The following NCKAP5 variants were observed in gnomAD, a reference collection of about 807,000 sequenced individuals.
The protein encoded by NCKAP5 is NCK associated protein 5.
Under a neutral mutation model 167.0 loss-of-function variants are expected in NCKAP5, and 92 were observed. The observed-to-expected ratio is 0.55, with a 90% CI of 0.47 to 0.66. NCKAP5 has a LOEUF of 0.66. Among genes scored for constraint, NCKAP5 ranks in the 30% least tolerant of loss-of-function variants. NCKAP5 has a pLI of 0.00. For synonymous variants in NCKAP5, 891 were observed against 877.4 expected (o/e 1.02, Z -0.27); for missense variants, 2,378 against 2,315.0 (o/e 1.03, Z -0.56).
intron 7 of NCKAP5, among the ~76,000 whole-genome samples, chr2:132,966,108 T>C (rs149812973): frequency 1.5e-3 from 233 of 152,280 alleles, no homozygotes; most frequent in African/African-American, 5.4e-3. Flanking sequence ...ACAAACTTCC[T>C]TTATTTTTGG....
chr2:133,492,335 G>A (rs2151356618), intron 3 of NCKAP5, among the ~76,000 whole-genome samples: 1 of 152,330 alleles, frequency 6.6e-6, no homozygotes, highest in East Asian at 1.9e-4. Flanking sequence ...GTACCTTACA[G>A]TATAGTTGTA....
At chr2:132,794,304 AGAGGGT>A (rs1558788549) in intron 12 of NCKAP5, among the ~76,000 whole-genome samples, 5 of 113,600 alleles carry the variant, frequency 4.4e-5, no homozygotes, top group African/African-American at 1.7e-4. Context: ...AGAGAGAGAG[AGAGGGT>A]GGCGGGAAGA....
chr2:132,773,724 G>A (rs769912920), intron 16 of NCKAP5, 92 bp downstream of exon 16: 12 of 1,001,170 alleles, frequency 1.2e-5, no homozygotes, highest in Non-Finnish European at 1.8e-5. Context: ...TCTTGATAGA[G>A]GGACATGGTC....
intron 3 of NCKAP5, among the ~76,000 whole-genome samples, chr2:133,307,481 A>G (rs6748084): frequency 0.037 from 5,678 of 152,182 alleles, 344 homozygotes; most frequent in African/African-American, 0.13. Flanking sequence ...CCACACATCT[A>G]TTGGCACAAG....
chr2:132,742,915 C>T (rs1679327206), intron 16 of NCKAP5, among the ~76,000 whole-genome samples: 1 of 151,674 alleles, frequency 6.6e-6, no homozygotes, highest in African/African-American at 2.4e-5. Context: ...CAGTGGCTAC[C>T]CTCCATTCAC....
intron 11 of NCKAP5, among the ~76,000 whole-genome samples, chr2:132,844,846 C>G (rs1688550050): frequency 6.6e-6 from 1 of 152,060 alleles, no homozygotes; most frequent in South Asian, 2.1e-4. Flanking sequence ...AAACTGCCAC[C>G]CAAGAATTGC....
the NCKAP5 span, among the ~76,000 whole-genome samples, chr2:133,599,381 C>T: frequency 2.0e-5 from 3 of 152,142 alleles, no homozygotes; most frequent in Non-Finnish European, 4.4e-5. Flanking sequence ...CTCAGAGGCT[C>T]TCCTGCCAGG....
intron 3 of NCKAP5, among the ~76,000 whole-genome samples, chr2:133,482,698 A>T (rs917862747): frequency 6.6e-6 from 1 of 152,290 alleles, no homozygotes; most frequent in Middle Eastern, 3.4e-3. Context: ...TTCTAGTTCT[A>T]GATTTTTGAG....
At chr2:133,255,520 ATG>A (rs72178045) in intron 4 of NCKAP5, among the ~76,000 whole-genome samples, 23,448 of 152,010 alleles carry the variant, frequency 0.15, 1,968 homozygotes, top group African/African-American at 0.23. Context: ...GCTTTAGGGA[ATG>A]TGTGTACAAA....
intron 5 of NCKAP5, among the ~76,000 whole-genome samples, chr2:133,195,726 T>C (rs2085406534): frequency 6.6e-6 from 1 of 152,126 alleles, no homozygotes; most frequent in Non-Finnish European, 1.5e-5. Context: ...GTGACAAATA[T>C]GCCAAGGCAA....
chr2:132,783,168 C>A lies in NCKAP5; in HGVS notation c.3643G>T (p.Ala1215Ser). 2.5e-6 allele frequency: 4 copies of A among 1,613,748 alleles called. No individual in the cohort carries two copies. Among genetic ancestry groups the A allele is most frequent in the Non-Finnish European group, 3.4e-6 (4 of 1,179,804 alleles). ...ERNVTLPDSQ[A>S]QGSLADGLPL... ...AGCCCATCAGCTAAACTGCCCTGTGCTTGTGAATCCGGTAGGGTCACATTT... is the reference window on the plus strand; with the variant it reads ...AGCCCATCAGCTAAACTGCCCTGTGATTGTGAATCCGGTAGGGTCACATTT... Residue 1215 changes from alanine to serine, a missense_variant, in exon 14 of 20, where the codon GCA (alanine) becomes TCA (serine). Ala to Ser is a moderately conservative substitution (Grantham distance 99). Transcript: ENST00000409261.
intron 4 of NCKAP5, among the ~76,000 whole-genome samples, chr2:133,263,725 G>T (rs543246666): frequency 6.6e-6 from 1 of 152,082 alleles, no homozygotes; most frequent in Non-Finnish European, 1.5e-5. Context: ...TTTTAAAAAA[G>T]AGAAACTGCC....
chr2:133,187,656 T>C lies in NCKAP5; in HGVS notation c.207+26060A>G, dbSNP rs138856574. On this transcript the variant is annotated intron_variant, in intron 5 of 19. Coordinates refer to ENST00000409261, the MANE Select transcript of NCKAP5 (RefSeq NM_207363.3). The stretch of plus-strand genomic sequence containing the variant: ...GAACAGAAAGAACATACTTATGGAT[T>C]GGAAGACTTAAAGATGTCAATTTTC... 5.7e-4 allele frequency among the ~76,000 whole-genome samples: 86 copies of C among 152,212 alleles called. 2 individuals carry two copies. The East Asian group carries it at 0.015, about 26-fold the overall frequency.
intron 5 of NCKAP5, among the ~76,000 whole-genome samples, chr2:133,160,902 A>C (rs925961640): frequency 3.3e-5 from 5 of 152,174 alleles, no homozygotes; most frequent in African/African-American, 1.2e-4. Flanking sequence ...ACTACTTAGT[A>C]ATCACTGAAC....
At chr2:132,754,243 T>C (rs1305753831) in intron 16 of NCKAP5, among the ~76,000 whole-genome samples, 1 of 152,194 alleles carries the variant, frequency 6.6e-6, no homozygotes. Context: ...CCCCTATCGA[T>C]CTTTCCTGTA....
At chr2:133,299,036 A>T (rs187461723) in intron 4 of NCKAP5, among the ~76,000 whole-genome samples, 221 of 151,526 alleles carry the variant, frequency 1.5e-3, no homozygotes, top group African/African-American at 4.5e-3. Context: ...ATTTAAAAAA[A>T]TAAAAATAAA....
chr2:132,726,072 A>G (rs909299753), intron 18 of NCKAP5, among the ~76,000 whole-genome samples: 2 of 152,090 alleles, frequency 1.3e-5, no homozygotes, highest in African/African-American at 4.8e-5. Context: ...CATTTTGTAC[A>G]CTTCTTTATA....
intron 11 of NCKAP5, among the ~76,000 whole-genome samples, chr2:132,826,929 C>G (rs534441381): frequency 6.6e-6 from 1 of 152,276 alleles, no homozygotes; most frequent in African/African-American, 2.4e-5. Flanking sequence ...GCATGAAAGA[C>G]AAGGCGAGAG....
At chr2:133,211,001 C>G (rs1364926661) in intron 5 of NCKAP5, among the ~76,000 whole-genome samples, 3 of 149,878 alleles carry the variant, frequency 2.0e-5, no homozygotes, top group African/African-American at 7.4e-5. Flanking sequence ...CTCCCTACCC[C>G]CCCAACCCCA....
Sources: allele counts gnomAD v4.1 joint callset (sites outside exome capture counted in the v4.1 genomes callset), GRCh38; gene constraint gnomAD v4.1.1; transcripts MANE v1.5; gene names NCBI Gene and HGNC (gene_info 2026-07-23, HGNC 2026-07-21).